The following TP63 variants were observed in gnomAD, a reference collection of about 807,000 sequenced individuals.
The protein encoded by TP63 is tumor protein p63.
TP63 carries 17 observed loss-of-function variants against 82.8 expected under a neutral mutation model. The ratio of observed to expected loss-of-function variants is 0.21; its 90% CI spans 0.14 to 0.31. The LOEUF (loss-of-function observed/expected upper bound fraction) is 0.31, where lower values mean the gene tolerates loss of function less well. Among genes scored for constraint, TP63 ranks in the 10% least tolerant of loss-of-function variants. The pLI, the probability that TP63 is intolerant of heterozygous loss-of-function variation, is 1.00. For missense variants in TP63, 648 were observed against 895.3 expected (o/e 0.72, Z 3.52); for synonymous variants, 330 against 321.7 (o/e 1.03, Z -0.28).
rs2108781353 is a variant in TP63 at position 189,858,297 on chromosome 3, C to T, written c.580-5935C>T. On this transcript the variant is annotated intron_variant, in intron 4 of 13. Transcript: ENST00000264731. The stretch of plus-strand genomic sequence containing the variant: ...GCGGGCGCCTGTAGTCCCAGCTACT[C>T]GGGAGGCTGAGGCAGGAGAATGGCG... Among the ~76,000 whole-genome samples, 3 of 54,426 alleles carry T rather than the reference C, an allele frequency of 5.5e-5. 1 individual carries two copies. Among genetic ancestry groups the T allele is most frequent in the African/African-American group, 2.0e-4 (2 of 9,976 alleles). 35.7% of individuals were successfully genotyped at this position (54,426 alleles called of 152,430 possible).
chr3:189,681,230 A>G (rs932622702), intron 1 of TP63, among the ~76,000 whole-genome samples: 2 of 151,472 alleles, frequency 1.3e-5, no homozygotes, highest in Non-Finnish European at 2.9e-5. Context: ...GTGCTCCTAT[A>G]ATCTTTCACC....
At chr3:189,599,625 T>G in the TP63 span, among the ~76,000 whole-genome samples, 2 of 152,212 alleles carry the variant, frequency 1.3e-5, no homozygotes, top group South Asian at 4.1e-4. Flanking sequence ...GGTCTACCAG[T>G]TTCTTCTATG....
intron 3 of TP63, among the ~76,000 whole-genome samples, chr3:189,759,816 A>G (rs908231600): frequency 2.6e-5 from 4 of 152,348 alleles, no homozygotes; most frequent in Non-Finnish European, 5.9e-5. Context: ...GCTGATAAAG[A>G]CATACCCAAG....
intron 1 of TP63, among the ~76,000 whole-genome samples, chr3:189,693,137 A>G (rs946736672): frequency 2.6e-5 from 4 of 152,230 alleles, no homozygotes; most frequent in African/African-American, 7.2e-5. Context: ...GGCTTCATCA[A>G]TAAAATAATT....
chr3:189,622,450 A>G, the TP63 span, among the ~76,000 whole-genome samples: 5 of 152,204 alleles, frequency 3.3e-5, no homozygotes, highest in African/African-American at 4.8e-5. Flanking sequence ...GTCACCAACT[A>G]TCTCTTCCTG....
At chr3:189,844,626 C>A (rs374588612) in intron 4 of TP63, among the ~76,000 whole-genome samples, 1 of 152,056 alleles carries the variant, frequency 6.6e-6, no homozygotes, top group African/African-American at 2.4e-5. Flanking sequence ...ATATCTTTCT[C>A]GATATGAAAT....
intron 3 of TP63, among the ~76,000 whole-genome samples, chr3:189,769,834 T>G (rs1214211634): frequency 6.6e-6 from 1 of 152,062 alleles, no homozygotes; most frequent in Non-Finnish European, 1.5e-5. Flanking sequence ...TTTTCAGAAT[T>G]AAAATTATCT....
At chr3:189,685,975 G>T (rs1039657039) in intron 1 of TP63, among the ~76,000 whole-genome samples, 2 of 152,200 alleles carry the variant, frequency 1.3e-5, no homozygotes, top group African/African-American at 4.8e-5. Context: ...CTACATTTCT[G>T]CCTTGACTTT....
intron 1 of TP63, among the ~76,000 whole-genome samples, chr3:189,699,473 T>C (rs1717640953): frequency 6.6e-6 from 1 of 152,188 alleles, no homozygotes; most frequent in African/African-American, 2.4e-5. Flanking sequence ...GAGAGGAACT[T>C]AGAGAATGCA....
intron 4 of TP63, among the ~76,000 whole-genome samples, chr3:189,817,016 A>G (rs1269324965): frequency 2.8e-4 from 42 of 151,748 alleles, no homozygotes; most frequent in Non-Finnish European, 2.9e-4. Context: ...GAAAAAAAAA[A>G]CCCTACAACT....
intron 4 of TP63, among the ~76,000 whole-genome samples, chr3:189,857,995 G>A (rs1020456428): frequency 2.6e-5 from 4 of 152,066 alleles, no homozygotes. Context: ...TTATCCAAAG[G>A]GAATAAAATC....
At chr3:189,789,693 G>C (rs1201148244) in intron 3 of TP63, 2 of 1,423,178 alleles carry the variant, frequency 1.4e-6, no homozygotes, top group African/African-American at 3.1e-5. Flanking sequence ...CTTGAGTTCT[G>C]TTATCTTCTT....
upstream of TP63, chr3:189,631,170 A>C (rs1729437001): frequency 9.7e-6 from 9 of 929,250 alleles, no homozygotes; most frequent in Non-Finnish European, 1.2e-5. Flanking sequence ...AAGTTCAGAG[A>C]TGCCTCCAGC....
chr3:189,763,122 A>G (rs971122016), intron 3 of TP63, among the ~76,000 whole-genome samples: 5 of 151,964 alleles, frequency 3.3e-5, no homozygotes, highest in African/African-American at 9.7e-5. Flanking sequence ...CAAAATTTAA[A>G]AATTATCTGG....
chr3:189,777,842 CTTCTTTTTTTTTTTTTT>C (rs1237066383), intron 3 of TP63, among the ~76,000 whole-genome samples: 1 of 65,928 alleles, frequency 1.5e-5, no homozygotes, highest in African/African-American at 6.6e-5. Flanking sequence ...TCTTCTTCTT[CTTCTTTTTTTTTTTTTT>C]TTTTTTTTTT....
chr3:189,682,593 TA>T (rs1370270987), intron 1 of TP63, among the ~76,000 whole-genome samples: 1 of 142,948 alleles, frequency 7.0e-6, no homozygotes, highest in Non-Finnish European at 1.5e-5. Flanking sequence ...TATATATATA[TA>T]TCCTATTCAC....
At chr3:189,794,822 C>G (rs1576973110) in intron 3 of TP63, among the ~76,000 whole-genome samples, 1 of 152,026 alleles carries the variant, frequency 6.6e-6, no homozygotes, top group East Asian at 1.9e-4. Flanking sequence ...AAATGCATCT[C>G]TCTGCATTGC....
chr3:189,828,959 A>C (rs1046061807), intron 4 of TP63, among the ~76,000 whole-genome samples: 2 of 152,200 alleles, frequency 1.3e-5, no homozygotes, highest in African/African-American at 4.8e-5. Context: ...ACAAAATCAG[A>C]AGCTAGGAAA....
chr3:189,781,009 C>G (rs1450078074), intron 3 of TP63, among the ~76,000 whole-genome samples: 1 of 152,036 alleles, frequency 6.6e-6, no homozygotes. Context: ...GGACTGGTGT[C>G]CTTTATAAGC....
Sources: gnomAD v4.1 joint callset for allele counts (sites outside exome capture counted in the v4.1 genomes callset) on GRCh38, gnomAD v4.1.1 for gene constraint, MANE v1.5 for transcripts, NCBI Gene and HGNC (gene_info 2026-07-23, HGNC 2026-07-21) for gene names.